The following ADAMTSL1 variants were observed in gnomAD, a reference collection of about 807,000 sequenced individuals.
The protein encoded by ADAMTSL1 is ADAMTS like 1.
In ADAMTSL1, 126 loss-of-function variants were observed where a neutral mutation model predicts 201.8. The observed-to-expected ratio is 0.62, with a 90% CI of 0.54 to 0.72. The LOEUF (loss-of-function observed/expected upper bound fraction) is 0.72. ADAMTSL1 is among the 30% of genes least tolerant of loss of function. The probability of loss-of-function intolerance (pLI) is 0.00; values close to 1 mark genes in which losing one functional copy is unlikely to be tolerated. For missense variants in ADAMTSL1, 2,679 were observed against 2,277.8 expected (o/e 1.18, Z -3.59); for synonymous variants, 1,121 against 903.4 (o/e 1.24, Z -4.32).
At chr9:18,073,773 A>G (rs1282376096) in intron 1 of ADAMTSL1, among the ~76,000 whole-genome samples, 5 of 152,166 alleles carry the variant, frequency 3.3e-5, no homozygotes, top group Non-Finnish European at 5.9e-5. Flanking sequence ...CAACTTCTAA[A>G]TGACTGACCT....
rs879179106 is a variant in ADAMTSL1, at chr9:18,817,378, G to C, written c.3934+141G>C. On this transcript the variant is annotated intron_variant, in intron 21 of 28. Transcript: ENST00000380548. ...CCAAAGCATGAACCTCAGTCGCTCT[G>C]AAAGTAGAAAGTGCTACAGAAATTT... is the stretch of plus-strand genomic sequence containing the variant. 8.1e-6 allele frequency: 6 copies of C among 739,320 alleles called. No individual in the cohort carries two copies. The Admixed American group carries it at 2.0e-4, about 25-fold the overall frequency. 45.8% of individuals were successfully genotyped at this position (739,320 alleles called of 1,614,324 possible). A position where few individuals can be genotyped will look rare whatever the true frequency, so the allele number is the denominator to read the frequency against.
intron 2 of ADAMTSL1, among the ~76,000 whole-genome samples, chr9:18,292,656 C>A (rs573712657): frequency 6.6e-6 from 1 of 152,274 alleles, no homozygotes; most frequent in African/African-American, 2.4e-5. Context: ...CATCTTTCCC[C>A]GGTGCTGGAT....
At chr9:18,620,102 G>T (rs182669252) in intron 4 of ADAMTSL1, among the ~76,000 whole-genome samples, 2 of 148,336 alleles carry the variant, frequency 1.3e-5, no homozygotes, top group East Asian at 4.0e-4. Flanking sequence ...AAAGGACATG[G>T]TGAACCTCAT....
chr9:18,306,385 A>G (rs1453105770), intron 2 of ADAMTSL1, among the ~76,000 whole-genome samples: 1 of 152,162 alleles, frequency 6.6e-6, no homozygotes, highest in Non-Finnish European at 1.5e-5. Context: ...GTGGATAATA[A>G]CAAACTCCTC....
intron 1 of ADAMTSL1, among the ~76,000 whole-genome samples, chr9:18,042,964 T>C (rs1454242155): frequency 1.3e-5 from 2 of 152,236 alleles, no homozygotes; most frequent in East Asian, 3.9e-4. Context: ...TGATAAGAAG[T>C]AATTGAAGCC....
At chr9:18,549,893 G>C (rs1275250096) in intron 3 of ADAMTSL1, among the ~76,000 whole-genome samples, 1 of 151,886 alleles carries the variant, frequency 6.6e-6, no homozygotes, top group Non-Finnish European at 1.5e-5. Flanking sequence ...TGAATATCAA[G>C]TTTCATCTTT....
At chr9:18,721,197 C>A (rs1833340101) in intron 14 of ADAMTSL1, among the ~76,000 whole-genome samples, 1 of 152,178 alleles carries the variant, frequency 6.6e-6, no homozygotes, top group Non-Finnish European at 1.5e-5. Context: ...ACCCTGTGCT[C>A]CTTGTTCATT....
chr9:18,399,127 G>A (rs897455078), intron 2 of ADAMTSL1, among the ~76,000 whole-genome samples: 5 of 151,288 alleles, frequency 3.3e-5, no homozygotes, highest in African/African-American at 7.3e-5. Flanking sequence ...CGAGCTTGTG[G>A]GTGGAGCCAC....
intron 23 of ADAMTSL1, among the ~76,000 whole-genome samples, chr9:18,869,960 C>G (rs1452680321): frequency 6.6e-6 from 1 of 151,690 alleles, no homozygotes; most frequent in Non-Finnish European, 1.5e-5. Flanking sequence ...TTCTGTTTTT[C>G]ACAATGGATA....
intron 1 of ADAMTSL1, among the ~76,000 whole-genome samples, chr9:17,937,062 A>G (rs561345128): frequency 1.3e-5 from 2 of 152,118 alleles, no homozygotes; most frequent in East Asian, 1.9e-4. Flanking sequence ...TGCAGCCCTA[A>G]CTGTTGTCAA....
chr9:18,542,953 T>C (rs1820239946), intron 3 of ADAMTSL1, among the ~76,000 whole-genome samples: 1 of 152,172 alleles, frequency 6.6e-6, no homozygotes, highest in South Asian at 2.1e-4. Context: ...ATGTTAGACC[T>C]CATTTCCGGC....
intron 15 of ADAMTSL1, among the ~76,000 whole-genome samples, chr9:18,729,570 C>T (rs971717682): frequency 3.3e-5 from 5 of 152,134 alleles, no homozygotes; most frequent in African/African-American, 9.7e-5. Flanking sequence ...ATCCTGCATC[C>T]GTCCATTTAT....
intron 1 of ADAMTSL1, among the ~76,000 whole-genome samples, chr9:17,932,486 T>G (rs902872867): frequency 7.2e-5 from 11 of 152,156 alleles, no homozygotes; most frequent in Non-Finnish European, 1.2e-4. Flanking sequence ...TTATTTCAAT[T>G]AGAAAGTCTT....
At chr9:18,099,349 ATATATATT>A (rs1249674641) in intron 1 of ADAMTSL1, among the ~76,000 whole-genome samples, 182 of 49,264 alleles carry the variant, frequency 3.7e-3, no homozygotes, top group East Asian at 0.028. Flanking sequence ...ATATATATAT[ATATATATT>A]TTTTTTTTTT....
chr9:18,089,106 C>A (rs571617556), intron 1 of ADAMTSL1, among the ~76,000 whole-genome samples: 2 of 152,072 alleles, frequency 1.3e-5, no homozygotes, highest in African/African-American at 4.8e-5. Context: ...GAGCCAAGAT[C>A]GTGCCATTGC....
chr9:18,801,084 C>G (rs948303811), intron 20 of ADAMTSL1, among the ~76,000 whole-genome samples: 4 of 152,172 alleles, frequency 2.6e-5, no homozygotes, highest in African/African-American at 4.8e-5. Context: ...TAAGCCCTAC[C>G]TACTTCCTCA....
Position 17,913,517 on chromosome 9 carries a change from A to G in ADAMTSL1, c.87+6595A>G, listed in dbSNP as rs574117808. ...TACCAGAATCTCTGGGACACATTCA[A>G]AGTAGTGTGTAGAGGGAAATTTATA... On this transcript the variant is annotated intron_variant, in intron 1 of 29. Coordinates refer to the ADAMTSL1 transcript ENST00000680146. Among the ~76,000 whole-genome samples the G allele has an allele frequency of 1.8e-4, 27 of 152,260 alleles. No homozygotes were observed. The South Asian group carries it at 5.2e-3, about 29-fold the overall frequency.
chr9:18,236,882 G>T (rs1161505527), intron 2 of ADAMTSL1, among the ~76,000 whole-genome samples: 3 of 152,092 alleles, frequency 2.0e-5, no homozygotes, highest in South Asian at 4.1e-4. Flanking sequence ...AAATACAAAG[G>T]ATCTGGTTCA....
chr9:18,424,769 C>T (rs1819128229), intron 2 of ADAMTSL1, among the ~76,000 whole-genome samples: 1 of 152,140 alleles, frequency 6.6e-6, no homozygotes, highest in Non-Finnish European at 1.5e-5. Context: ...CAGGATGGGC[C>T]TTATTTTCAA....
Sources: allele counts gnomAD v4.1 joint callset (sites outside exome capture counted in the v4.1 genomes callset), GRCh38; gene constraint gnomAD v4.1.1; transcripts MANE v1.5; gene names NCBI Gene and HGNC (gene_info 2026-07-23, HGNC 2026-07-21).